Variants in HDAC9 observed in about 807,000 individuals in gnomAD.
HDAC9 encodes histone deacetylase 9.
Under a neutral mutation model 139.4 loss-of-function variants are expected in HDAC9, and 41 were observed. That is an observed-to-expected ratio of 0.29 (90% CI 0.23 to 0.38). HDAC9 has a LOEUF of 0.38. Among genes scored for constraint, HDAC9 ranks in the 10% least tolerant of loss-of-function variants. HDAC9 has a pLI of 1.00. For synonymous variants in HDAC9, 517 were observed against 476.2 expected (o/e 1.09, Z -1.12); for missense variants, 1,147 against 1,297.0 (o/e 0.88, Z 1.78).
intron 22 of HDAC9, among the ~76,000 whole-genome samples, chr7:18,933,766 TAAAA>T (rs1375753125): frequency 6.6e-6 from 1 of 151,604 alleles, no homozygotes; most frequent in Non-Finnish European, 1.5e-5. Context: ...CTGAAAGAAA[TAAAA>T]GAAGAAATAA....
intron 6 of HDAC9, among the ~76,000 whole-genome samples, chr7:18,610,008 C>T (rs1313170533): frequency 6.6e-6 from 1 of 152,104 alleles, no homozygotes; most frequent in Non-Finnish European, 1.5e-5. Flanking sequence ...CCTCAAGGAT[C>T]TAGAACTAGA....
chr7:18,645,209 T>C (rs1047216806), intron 9 of HDAC9, among the ~76,000 whole-genome samples: 4 of 152,128 alleles, frequency 2.6e-5, no homozygotes, highest in Non-Finnish European at 4.4e-5. Flanking sequence ...GCCAGGGCAG[T>C]GCTGAGAGCT....
At chr7:18,412,343 T>G (rs1168749318) in intron 1 of HDAC9, among the ~76,000 whole-genome samples, 1 of 152,092 alleles carries the variant, frequency 6.6e-6, no homozygotes, top group Non-Finnish European at 1.5e-5. Context: ...GAAAAAACTA[T>G]AATAACAAAA....
At chr7:18,816,431 G>C (rs75414443) in intron 17 of HDAC9, among the ~76,000 whole-genome samples, 1 of 152,196 alleles carries the variant, frequency 6.6e-6, no homozygotes, top group African/African-American at 2.4e-5. Context: ...ATGTGAGCTA[G>C]TATAGGCATA....
chr7:18,144,672 C>G (rs563599690), intron 1 of HDAC9, among the ~76,000 whole-genome samples: 12 of 152,222 alleles, frequency 7.9e-5, no homozygotes, highest in African/African-American at 2.6e-4. Context: ...CCTCTCTGCT[C>G]TCCTTTTCGT....
intron 13 of HDAC9, among the ~76,000 whole-genome samples, chr7:18,743,957 T>G (rs902407096): frequency 5.9e-5 from 9 of 151,876 alleles, no homozygotes; most frequent in African/African-American, 1.4e-4. Context: ...CACAAATTTT[T>G]TCTTTAGCAG....
chr7:18,774,990 G>A (rs1367404334), intron 16 of HDAC9, among the ~76,000 whole-genome samples: 1 of 151,664 alleles, frequency 6.6e-6, no homozygotes, highest in Non-Finnish European at 1.5e-5. Flanking sequence ...AGACTTAGAG[G>A]CTATCGTAGG....
intron 1 of HDAC9, among the ~76,000 whole-genome samples, chr7:18,356,768 C>T (rs1783342769): frequency 6.6e-6 from 1 of 151,832 alleles, no homozygotes; most frequent in South Asian, 2.1e-4. Flanking sequence ...CTTCAGATCG[C>T]ATCGGAAGAA....
At chr7:18,244,994 C>CCTCTATCTATCTATCT (rs71553924) in intron 2 of HDAC9, among the ~76,000 whole-genome samples, 8,108 of 147,976 alleles carry the variant, frequency 0.055, 348 homozygotes, top group African/African-American at 0.095. Context: ...ATCTAATCTG[C>CCTCTATCTATCTATCT]ATCTATCTAT....
At chr7:18,169,123 G>A (rs1435727936) in intron 2 of HDAC9, among the ~76,000 whole-genome samples, 1 of 151,924 alleles carries the variant, frequency 6.6e-6, no homozygotes, top group Non-Finnish European at 1.5e-5. Flanking sequence ...ATTTAGTAGA[G>A]ATGGGGTTTC....
chr7:18,425,717 T>C (rs1352520032), intron 1 of HDAC9, among the ~76,000 whole-genome samples: 2 of 152,192 alleles, frequency 1.3e-5, no homozygotes, highest in African/African-American at 4.8e-5. Flanking sequence ...ACATTACATT[T>C]ATAGAAAAGA....
intron 2 of HDAC9, among the ~76,000 whole-genome samples, chr7:18,267,112 T>C (rs1796054044): frequency 6.6e-6 from 1 of 152,174 alleles, no homozygotes; most frequent in Admixed American, 6.6e-5. Context: ...TAAATCAAGG[T>C]CATATCTAAA....
At chr7:18,421,869 T>C (rs1789651405) in intron 1 of HDAC9, among the ~76,000 whole-genome samples, 1 of 152,154 alleles carries the variant, frequency 6.6e-6, no homozygotes, top group African/African-American at 2.4e-5. Context: ...TGGTTATTGT[T>C]TGTGGAAGCT....
intron 1 of HDAC9, among the ~76,000 whole-genome samples, chr7:18,310,706 T>C (rs1413553339): frequency 1.3e-5 from 2 of 151,870 alleles, no homozygotes; most frequent in Non-Finnish European, 2.9e-5. Flanking sequence ...TACCTGCAGG[T>C]GTGACATAGA....
intron 1 of HDAC9, among the ~76,000 whole-genome samples, chr7:18,322,533 A>G (rs548581241): frequency 6.6e-6 from 1 of 152,282 alleles, no homozygotes; most frequent in African/African-American, 2.4e-5. Context: ...CTTATCTTCT[A>G]CTTAGCAAGA....
At chr7:18,372,185 T>C (rs1412578430) in intron 1 of HDAC9, among the ~76,000 whole-genome samples, 2 of 152,212 alleles carry the variant, frequency 1.3e-5, no homozygotes, top group Admixed American at 6.5e-5. Flanking sequence ...GTGATTCCAA[T>C]GTGCAAGCCA....
rs114670434 is a variant in HDAC9, at chr7:18,152,281, A to G, written c.-96-9948A>G. On this transcript the variant is annotated intron_variant, in intron 1 of 12. Coordinates refer to the HDAC9 transcript ENST00000417496. ...GACCCTGCAAGTAACTATTAGAGCC[A>G]GCAACTTACCAGTGAGGAAACTGAA... Among the ~76,000 whole-genome samples, 458 of 152,336 alleles carry G rather than the reference A, an allele frequency of 3.0e-3. 3 individuals carry two copies. The highest frequency in any genetic ancestry group is 0.01 in the African/African-American group (422 of 41,578).
intron 2 of HDAC9, among the ~76,000 whole-genome samples, chr7:18,533,160 A>G (rs1180448244): frequency 1.3e-5 from 2 of 152,070 alleles, no homozygotes. Flanking sequence ...CGTACCCTCT[A>G]TTTATCTGGT....
intron 2 of HDAC9, among the ~76,000 whole-genome samples, chr7:18,533,475 C>T (rs771605129): frequency 6.6e-6 from 1 of 151,878 alleles, no homozygotes; most frequent in Non-Finnish European, 1.5e-5. Flanking sequence ...CTATCTTTTT[C>T]AATGATAGAT....
Sources: allele counts gnomAD v4.1 joint callset (sites outside exome capture counted in the v4.1 genomes callset), GRCh38; gene constraint gnomAD v4.1.1; transcripts MANE v1.5; gene names NCBI Gene and HGNC (gene_info 2026-07-23, HGNC 2026-07-21).